Variants in IRAK2 observed in about 807,000 individuals in gnomAD.
IRAK2 encodes the protein interleukin-1 receptor-associated kinase-like 2.
Under a neutral mutation model 72.0 loss-of-function variants are expected in IRAK2, and 57 were observed. The observed-to-expected ratio is 0.79, with a 90% CI of 0.64 to 0.99. The LOEUF (loss-of-function observed/expected upper bound fraction) is 0.99, where lower values mean the gene tolerates loss of function less well. IRAK2 is among the 50% of genes least tolerant of loss of function. The pLI is 0.00. For missense variants in IRAK2, 790 were observed against 794.4 expected (o/e 0.99, Z 0.07); for synonymous variants, 293 against 312.7 (o/e 0.94, Z 0.67).
chr3:10,192,290 TG>T (rs974741810), intron 2 of IRAK2, among the ~76,000 whole-genome samples: 5 of 152,112 alleles, frequency 3.3e-5, no homozygotes, highest in Admixed American at 6.6e-5. Flanking sequence ...CGTGAAGGGT[TG>T]GGGGGAATTT....
intron 3 of IRAK2, among the ~76,000 whole-genome samples, chr3:10,207,665 G>A (rs924061766): frequency 1.1e-4 from 16 of 152,076 alleles, no homozygotes; most frequent in African/African-American, 2.9e-4. Context: ...CAAACATTCC[G>A]TCTTGTGAAT....
intron 3 of IRAK2, among the ~76,000 whole-genome samples, chr3:10,201,443 C>T (rs968800310): frequency 6.6e-6 from 1 of 152,244 alleles, no homozygotes; most frequent in African/African-American, 2.4e-5. Flanking sequence ...CTGCCCACCA[C>T]TTTCCTCCCC....
chr3:10,177,421 T>C lies in IRAK2; in HGVS notation c.95-417T>C, dbSNP rs369367520. Among the ~76,000 whole-genome samples, 23 of 152,202 alleles carry C rather than the reference T, an allele frequency of 1.5e-4. 1 individual carries two copies. In the East Asian group the frequency reaches 1.5e-3, roughly 10 times the overall value. ...ACCCTCATCCTGGCCCCACCTCCAC[T>C]CTGAACCAGGCACTATTCTCAATTC... On this transcript the variant is annotated intron_variant, in intron 1 of 12. Coordinates refer to ENST00000256458, the MANE Select transcript of IRAK2 (RefSeq NM_001570.4).
At position 10,213,245 on chromosome 3, in the gene IRAK2, G is replaced by A; in HGVS notation, c.567G>A (p.Leu189=). The A allele has an allele frequency of 3.1e-6, 5 of 1,614,118 alleles. No individual in the cohort carries two copies. Among genetic ancestry groups the A allele is most frequent in the Non-Finnish European group, 4.2e-6 (5 of 1,180,034 alleles). Residue 189 remains leucine (L), a synonymous_variant, in exon 5 of 13, where the codon TTG becomes TTA. Coordinates refer to ENST00000256458, the MANE Select transcript of IRAK2 (RefSeq NM_001570.4). ...STSIPKQEKL[L]SLAGDSLFWS... ...CCATTCCTAAGCAGGAAAAACTTTT[G>A]AGCTTGGCTGGAGACAGCCTTTTCT...
chr3:10,183,051 C>T (rs1041172039), intron 2 of IRAK2, among the ~76,000 whole-genome samples: 3 of 152,256 alleles, frequency 2.0e-5, no homozygotes, highest in East Asian at 3.9e-4. Flanking sequence ...GGATTACAGC[C>T]GTGAGCCACC....
intron 4 of IRAK2, 77 bp from the exon 5 acceptor site, chr3:10,213,130 G>C: frequency 8.3e-7 from 1 of 1,206,736 alleles, no homozygotes; most frequent in South Asian, 1.3e-5. Context: ...TCCATCTCTG[G>C]TGTTCCAAGG....
Position 10,219,802 on chromosome 3 carries a change from G to C in IRAK2, c.1013+13G>C. The C allele has an allele frequency of 6.3e-7, 1 of 1,587,102 alleles. No homozygotes were observed. Among genetic ancestry groups the C allele is most frequent in the Middle Eastern group, 1.7e-4 (1 of 6,000 alleles). ...GCAACGTCAAGAGGTGAGAGAGGTGGGCTGGACCCTGCTGGGGCCTGGGCT... is the reference window on the plus strand; with the variant it reads ...GCAACGTCAAGAGGTGAGAGAGGTGCGCTGGACCCTGCTGGGGCCTGGGCT... On this transcript the variant is annotated intron_variant, in intron 8 of 12. Coordinates refer to ENST00000256458, the MANE Select transcript of IRAK2 (RefSeq NM_001570.4).
chr3:10,177,493 G>A (rs937482660), intron 1 of IRAK2, among the ~76,000 whole-genome samples: 2 of 152,138 alleles, frequency 1.3e-5, no homozygotes, highest in Non-Finnish European at 2.9e-5. Context: ...CTGCCTACAC[G>A]GACCTTCCAT....
At chr3:10,165,603 T>C (rs1222008728) in intron 1 of IRAK2, among the ~76,000 whole-genome samples, 4 of 151,866 alleles carry the variant, frequency 2.6e-5, no homozygotes, top group East Asian at 1.9e-4. Flanking sequence ...TCAAGCGATT[T>C]TCCTGCCTCG....
intron 2 of IRAK2, among the ~76,000 whole-genome samples, chr3:10,187,613 CT>C (rs148706669): frequency 0.021 from 3,273 of 152,330 alleles, 121 homozygotes; most frequent in African/African-American, 0.074. Context: ...ACCCCGCATA[CT>C]TTATCACTGC....
intron 2 of IRAK2, among the ~76,000 whole-genome samples, chr3:10,189,346 G>A (rs1359039378): frequency 2.0e-5 from 3 of 152,226 alleles, no homozygotes; most frequent in Non-Finnish European, 4.4e-5. Context: ...GCAGGGTCAG[G>A]CCACCCAGTG....
rs149708396 is a variant in IRAK2 at position 10,234,541 on chromosome 3, A to C, written c.1355A>C (p.Lys452Thr). 2.6e-5 allele frequency: 42 copies of C among 1,613,996 alleles called. 1 individual carries two copies. The African/African-American group carries it at 5.1e-4, about 19-fold the overall frequency. The change falls in exon 11 of 13, where the codon AAG becomes ACG. Residue 452 changes from lysine to threonine, a missense_variant. Transcript: ENST00000256458. Reference protein sequence around the residue: ...RKTGVENVMAKEICQKYLEKG... With the variant: ...RKTGVENVMATEICQKYLEKG... ...ACGGGCGTGGAGAACGTGATGGCAA[A>C]GGAGATCTGCCAGAAGTACCTGGAG...
intron 2 of IRAK2, among the ~76,000 whole-genome samples, chr3:10,181,414 A>C (rs982480593): frequency 6.6e-5 from 10 of 152,166 alleles, no homozygotes; most frequent in Non-Finnish European, 1.3e-4. Context: ...GTTTGAAACC[A>C]GTCAGACCAA....
intron 4 of IRAK2, among the ~76,000 whole-genome samples, chr3:10,212,971 T>C (rs1234828297): frequency 6.6e-6 from 1 of 152,016 alleles, no homozygotes; most frequent in Non-Finnish European, 1.5e-5. Flanking sequence ...GGTTTCACTG[T>C]GTTAGCCAGG....
At position 10,243,489 on chromosome 3, in the gene IRAK2, T is replaced by C. The variant is rs1168966752; in HGVS notation, c.*1261T>C. The C allele has an allele frequency of 1.3e-5, 2 of 152,608 alleles. No individual in the cohort carries two copies. The highest frequency in any genetic ancestry group is 6.6e-5 in the Admixed American group (1 of 15,258). The allele number at this position is 152,608 out of a possible 1,614,324, so 9.5% of individuals were successfully genotyped here. ...CTGCTTGTTCTTCATCCCTGGGCTGTTGGGAGGAACAGATGAGACAGTGGC... is the reference window on the plus strand; with the variant it reads ...CTGCTTGTTCTTCATCCCTGGGCTGCTGGGAGGAACAGATGAGACAGTGGC... On this transcript the variant is annotated 3_prime_UTR_variant, in exon 13 of 13. Coordinates refer to ENST00000256458, the MANE Select transcript of IRAK2 (RefSeq NM_001570.4).
intron 10 of IRAK2, among the ~76,000 whole-genome samples, chr3:10,233,033 G>A (rs916341584): frequency 1.3e-5 from 2 of 151,996 alleles, no homozygotes; most frequent in East Asian, 1.9e-4. Flanking sequence ...CACTGTGCCC[G>A]GCCTATTTTT....
chr3:10,226,558 T>C, intron 10 of IRAK2, 125 bp downstream of exon 10: 1 of 703,876 alleles, frequency 1.4e-6, no homozygotes, highest in Non-Finnish European at 2.4e-6. Context: ...AGGTTGCATT[T>C]GCATCCCCAC....
chr3:10,239,522 C>T (rs1456592591), intron 12 of IRAK2, among the ~76,000 whole-genome samples: 1 of 150,590 alleles, frequency 6.6e-6, no homozygotes, highest in African/African-American at 2.4e-5. Context: ...CACCTGAGAT[C>T]GAGACCAGCC....
intron 11 of IRAK2, among the ~76,000 whole-genome samples, chr3:10,237,424 T>C (rs1267192570): frequency 2.0e-5 from 3 of 152,184 alleles, no homozygotes; most frequent in Non-Finnish European, 2.9e-5. Flanking sequence ...TGCCATTTAC[T>C]GTACTGGCTG....
Sources: allele counts gnomAD v4.1 joint callset (sites outside exome capture counted in the v4.1 genomes callset), GRCh38; gene constraint gnomAD v4.1.1; transcripts MANE v1.5; gene names NCBI Gene and HGNC (gene_info 2026-07-23, HGNC 2026-07-21).